Variants in PARD3B observed in about 807,000 individuals in gnomAD.
The protein encoded by PARD3B is par-3 family cell polarity regulator beta.
In PARD3B, 103 loss-of-function variants were observed where a neutral mutation model predicts 130.2. The observed-to-expected ratio is 0.79, with a 90% CI of 0.67 to 0.93. The LOEUF is 0.93. Ranked by LOEUF, PARD3B falls within the 40% of genes least tolerant of loss-of-function variation. PARD3B has a pLI of 0.00. For missense variants in PARD3B, 1,609 were observed against 1,499.2 expected, an observed-to-expected ratio of 1.07 and a Z score of -1.21; for synonymous variants, 583 against 553.2, an observed-to-expected ratio of 1.05 and a Z score of -0.76.
rs181688014 is a variant in PARD3B, at chr2:205,262,739, T to C, written c.2185+16917T>C. On this transcript the variant is annotated intron_variant, in intron 16 of 22. Coordinates refer to ENST00000406610, the MANE Select transcript of PARD3B (RefSeq NM_001302769.2). ...ACACTATGTAGGGGAATACATGACA[T>C]GAAAAGTCCTGACCTCTGTTTTTGG... Among the ~76,000 whole-genome samples, 766 of 152,204 alleles carry C rather than the reference T, an allele frequency of 5.0e-3. 3 individuals are homozygous for C. The highest frequency in any genetic ancestry group is 0.015 in the African/African-American group (638 of 41,548).
At chr2:205,178,592 C>T (rs906932145) in intron 13 of PARD3B, among the ~76,000 whole-genome samples, 5 of 152,194 alleles carry the variant, frequency 3.3e-5, no homozygotes, top group East Asian at 1.9e-4. Context: ...CTTATGATCA[C>T]GAATGTGGAC....
intron 19 of PARD3B, among the ~76,000 whole-genome samples, chr2:205,412,502 G>A (rs1168430894): frequency 6.6e-6 from 1 of 152,174 alleles, no homozygotes; most frequent in African/African-American, 2.4e-5. Context: ...TGACAGGTTG[G>A]AGATGAATGA....
At chr2:205,249,594 C>T (rs2039748624) in intron 16 of PARD3B, among the ~76,000 whole-genome samples, 2 of 152,020 alleles carry the variant, frequency 1.3e-5, no homozygotes, top group African/African-American at 4.8e-5. Context: ...GTAGTGTTCC[C>T]CTCACCCCTT....
intron 19 of PARD3B, among the ~76,000 whole-genome samples, chr2:205,432,739 G>A (rs1034132643): frequency 6.6e-6 from 1 of 151,960 alleles, no homozygotes; most frequent in Non-Finnish European, 1.5e-5. Flanking sequence ...CAAGAGTTCA[G>A]TATCCATGTG....
intron 3 of PARD3B, among the ~76,000 whole-genome samples, chr2:204,982,438 A>T (rs925175136): frequency 6.6e-6 from 1 of 152,206 alleles, no homozygotes; most frequent in Non-Finnish European, 1.5e-5. Flanking sequence ...AAGTCTCCCC[A>T]GATCCTCCCC....
chr2:205,543,125 C>T (rs1055696478), intron 21 of PARD3B, among the ~76,000 whole-genome samples: 8 of 151,984 alleles, frequency 5.3e-5, no homozygotes, highest in African/African-American at 1.9e-4. Flanking sequence ...GATGATATGC[C>T]AGGCCTTGAG....
At position 205,268,526 on chromosome 2, in the gene PARD3B, A is replaced by T. The variant is rs2040600428; in HGVS notation, c.2185+22704A>T. Among the ~76,000 whole-genome samples, 1 of 152,166 alleles carries T rather than the reference A, an allele frequency of 6.6e-6. No homozygotes were observed. Among genetic ancestry groups the T allele is most frequent in the Non-Finnish European group, 1.5e-5 (1 of 68,026 alleles). On this transcript the variant is annotated intron_variant, in intron 16 of 22. Transcript: ENST00000406610. The surrounding 1 kb of genome is among the most constrained non-coding windows in gnomAD (Gnocchi z 4.1). ...AGTCCACTGGAAAATAAGAGAAAGA[A>T]AATTGAGTTTCAAGGACGTAGAAAA... is the stretch of plus-strand genomic sequence containing the variant.
chr2:204,772,955 C>G (rs2041451756), intron 2 of PARD3B, among the ~76,000 whole-genome samples: 1 of 151,918 alleles, frequency 6.6e-6, no homozygotes, highest in African/African-American at 2.4e-5. Flanking sequence ...AATTTTCTCC[C>G]TCACCTTGGA....
intron 22 of PARD3B, among the ~76,000 whole-genome samples, chr2:205,556,945 C>T (rs1575352031): frequency 1.3e-5 from 2 of 152,290 alleles, no homozygotes; most frequent in East Asian, 3.9e-4. Flanking sequence ...TTTCGCAGGC[C>T]TCCTTGTGGT....
Position 205,113,580 on chromosome 2 carries a change from A to G in PARD3B, c.680+3A>G, listed in dbSNP as rs2125598369. The G allele has an allele frequency of 6.2e-7, 1 of 1,607,276 alleles. No homozygotes were observed. The highest frequency in any genetic ancestry group is 1.1e-5 in the South Asian group (1 of 90,406). On this transcript the variant is annotated splice_donor_region_variant and intron_variant, in intron 6 of 22. Transcript: ENST00000406610. ...TTCTTTTCATCTCTGAGTGGAAGGT[A>G]AGATGTTTTTCTCATTCCAGAAGCT...
At chr2:205,092,687 C>A (rs530046842) in intron 4 of PARD3B, among the ~76,000 whole-genome samples, 13 of 152,218 alleles carry the variant, frequency 8.5e-5, no homozygotes, top group African/African-American at 3.1e-4. Context: ...AACAGATTTT[C>A]TGAGATGGTG....
intron 18 of PARD3B, among the ~76,000 whole-genome samples, chr2:205,381,068 ATTATATATATT>A (rs1230749015): frequency 5.0e-4 from 18 of 35,806 alleles, no homozygotes; most frequent in African/African-American, 2.3e-3. Context: ...AAGAATATAT[ATTATATATATT>A]ATATATAAAG....
chr2:205,446,757 A>C lies in PARD3B; in HGVS notation c.3044+6085A>C, dbSNP rs2047920271. On this transcript the variant is annotated intron_variant, in intron 20 of 22. Coordinates refer to ENST00000406610, the MANE Select transcript of PARD3B (RefSeq NM_001302769.2). The surrounding 1 kb of genome is among the most constrained non-coding windows in gnomAD (Gnocchi z 4.4). ...CAATGCTGGTTCTTCCAGGATTTGA[A>C]CGTAGCATGGGTTAAATCCTGCCCT... Among the ~76,000 whole-genome samples the C allele has an allele frequency of 6.6e-6, 1 of 152,208 alleles. No homozygotes were observed. Among genetic ancestry groups the C allele is most frequent in the Non-Finnish European group, 1.5e-5 (1 of 68,028 alleles).
At chr2:205,521,588 T>C (rs1305391014) in intron 21 of PARD3B, among the ~76,000 whole-genome samples, 2 of 152,074 alleles carry the variant, frequency 1.3e-5, no homozygotes, top group African/African-American at 4.8e-5. Context: ...AGAGTTCATA[T>C]GAATAGACTC....
At chr2:204,953,418 C>CAGAG (rs752929812) in intron 2 of PARD3B, among the ~76,000 whole-genome samples, 8 of 117,420 alleles carry the variant, frequency 6.8e-5, no homozygotes, top group African/African-American at 2.6e-4. Context: ...CATACACACA[C>CAGAG]ACAGAGAGAG....
chr2:205,231,910 A>G (rs1290563113), intron 15 of PARD3B, among the ~76,000 whole-genome samples: 2 of 152,174 alleles, frequency 1.3e-5, no homozygotes, highest in African/African-American at 4.8e-5. Flanking sequence ...GGCCAAAAGG[A>G]TTCAAGAAGC....
At chr2:205,141,067 A>G (rs1358177328) in intron 10 of PARD3B, among the ~76,000 whole-genome samples, 1 of 152,176 alleles carries the variant, frequency 6.6e-6, no homozygotes, top group Non-Finnish European at 1.5e-5. Flanking sequence ...CAAGAAAATA[A>G]TTGGTCAGGT....
intron 4 of PARD3B, among the ~76,000 whole-genome samples, chr2:205,073,792 T>C (rs1182627458): frequency 1.3e-5 from 2 of 152,200 alleles, no homozygotes; most frequent in African/African-American, 4.8e-5. Flanking sequence ...GTAGCTATTA[T>C]TGGAAAGATG....
intron 3 of PARD3B, among the ~76,000 whole-genome samples, chr2:205,013,265 C>T (rs570916391): frequency 2.6e-5 from 4 of 152,254 alleles, no homozygotes; most frequent in South Asian, 4.2e-4. Context: ...TTGCTTTCTA[C>T]GGTGCTCTTT....
Sources: gnomAD v4.1 joint callset for allele counts (sites outside exome capture counted in the v4.1 genomes callset) on GRCh38, gnomAD v4.1.1 for gene constraint, Gnocchi (gnomAD v3.1) non-coding constraint, MANE v1.5 for transcripts, NCBI Gene and HGNC (gene_info 2026-07-23, HGNC 2026-07-21) for gene names.